Variants in TMEM178B observed in about 807,000 individuals in gnomAD.
The protein encoded by TMEM178B is transmembrane protein 178B.
A neutral mutation model predicts 31.0 loss-of-function variants in TMEM178B; 5 were observed. The ratio of observed to expected loss-of-function variants is 0.16; its 90% CI spans 0.08 to 0.34. The LOEUF is 0.34. Ranked by LOEUF, TMEM178B falls within the 10% of genes least tolerant of loss-of-function variation. TMEM178B has a pLI of 1.00. For synonymous variants in TMEM178B, 164 were observed against 164.0 expected (o/e 1.00, Z 0.00); for missense variants, 275 against 400.3 (o/e 0.69, Z 2.67).
chr7:141,086,879 G>A (rs1418693664), intron 1 of TMEM178B, among the ~76,000 whole-genome samples: 1 of 151,964 alleles, frequency 6.6e-6, no homozygotes, highest in Admixed American at 6.6e-5. Flanking sequence ...ATAGCAACAG[G>A]GATTCACCAT....
chr7:141,242,480 G>A (rs568758560), intron 2 of TMEM178B, among the ~76,000 whole-genome samples: 188 of 25,612 alleles, frequency 7.3e-3, no homozygotes, highest in East Asian at 0.062. Flanking sequence ...TTGTGTGAGT[G>A]TGTGTGTGTG....
chr7:141,238,096 A>G (rs1797559032), intron 2 of TMEM178B, among the ~76,000 whole-genome samples: 1 of 151,860 alleles, frequency 6.6e-6, no homozygotes, highest in Non-Finnish European at 1.5e-5. Flanking sequence ...TGTAAAACCC[A>G]GTCCCAAGCA....
intron 2 of TMEM178B, among the ~76,000 whole-genome samples, chr7:141,419,628 T>C (rs1181728): frequency 0.68 from 102,991 of 152,094 alleles, 35,453 homozygotes; most frequent in African/African-American, 0.79. Flanking sequence ...TTCAGTGGCT[T>C]GCCATGGCCT....
chr7:141,424,902 C>T (rs1050388679), intron 2 of TMEM178B, among the ~76,000 whole-genome samples: 12 of 152,080 alleles, frequency 7.9e-5, no homozygotes, highest in African/African-American at 2.7e-4. Context: ...GTCCAGTTCC[C>T]TTCTGGGGTT....
At chr7:141,206,536 G>A (rs541990135) in intron 1 of TMEM178B, among the ~76,000 whole-genome samples, 58 of 152,312 alleles carry the variant, frequency 3.8e-4, no homozygotes, top group African/African-American at 1.4e-3. Context: ...TTGGAGCAAT[G>A]AGAGGTTGGG....
intron 2 of TMEM178B, among the ~76,000 whole-genome samples, chr7:141,243,659 T>A (rs1187460856): frequency 6.6e-6 from 1 of 152,134 alleles, no homozygotes; most frequent in African/African-American, 2.4e-5. Flanking sequence ...CTCTTTGTGG[T>A]TCCCCTACTG....
the TMEM178B span, among the ~76,000 whole-genome samples, chr7:141,507,906 G>C: frequency 1.3e-5 from 2 of 152,216 alleles, no homozygotes; most frequent in South Asian, 4.1e-4. Context: ...GCCTATGATG[G>C]GAAGGGCTGC....
At chr7:141,185,862 A>G (rs1034295835) in intron 1 of TMEM178B, among the ~76,000 whole-genome samples, 3 of 152,064 alleles carry the variant, frequency 2.0e-5, no homozygotes, top group Non-Finnish European at 4.4e-5. Context: ...AAGATGTTGC[A>G]TTCAGGGCTT....
chr7:141,494,915 GGTA>G, the TMEM178B span, among the ~76,000 whole-genome samples: 1 of 152,108 alleles, frequency 6.6e-6, no homozygotes, highest in Non-Finnish European at 1.5e-5. Flanking sequence ...AATTGGTTAA[GGTA>G]CAGAAAAACA....
At chr7:141,138,569 T>G (rs1795714157) in intron 1 of TMEM178B, among the ~76,000 whole-genome samples, 1 of 151,604 alleles carries the variant, frequency 6.6e-6, no homozygotes, top group African/African-American at 2.4e-5. Flanking sequence ...TCATCTCATG[T>G]TTTGGGAGGT....
In TMEM178B at chr7:141,182,269, G is replaced by A. The variant is rs76668352; in HGVS notation, c.383-30322G>A. ...AGGCCTGCATAACTAAGGACATGTT[G>A]TGTGCAGCCAGGAAACTCTTTAGAC... On this transcript the variant is annotated intron_variant, in intron 1 of 3. Coordinates refer to ENST00000565468, the MANE Select transcript of TMEM178B (RefSeq NM_001195278.2). Among the ~76,000 whole-genome samples, 92 of 152,296 alleles carry A rather than the reference G, an allele frequency of 6.0e-4. No individual in the cohort carries two copies. In the East Asian group the frequency reaches 6.8e-3, roughly 11 times the overall value.
At chr7:141,276,920 T>C (rs900829910) in intron 2 of TMEM178B, among the ~76,000 whole-genome samples, 10 of 152,022 alleles carry the variant, frequency 6.6e-5, no homozygotes, top group African/African-American at 2.4e-4. Flanking sequence ...AACATAGAAA[T>C]AGTACAGTAA....
chr7:141,468,806 G>A (rs1353733467), intron 3 of TMEM178B, among the ~76,000 whole-genome samples: 1 of 152,170 alleles, frequency 6.6e-6, no homozygotes, highest in Non-Finnish European at 1.5e-5. Flanking sequence ...AGAGAAGGGT[G>A]CCCAAGTGGG....
chr7:141,170,794 C>T (rs978636597), intron 1 of TMEM178B, among the ~76,000 whole-genome samples: 1 of 152,144 alleles, frequency 6.6e-6, no homozygotes, highest in African/African-American at 2.4e-5. Flanking sequence ...TAATCCTGGA[C>T]CAGCCCCTGT....
intron 2 of TMEM178B, among the ~76,000 whole-genome samples, chr7:141,359,452 T>C (rs1372617264): frequency 1.3e-5 from 2 of 152,244 alleles, no homozygotes; most frequent in Non-Finnish European, 2.9e-5. Context: ...CAATCTCTCC[T>C]AATTGACCCA....
At chr7:141,087,730 G>A (rs1258823390) in intron 1 of TMEM178B, among the ~76,000 whole-genome samples, 1 of 152,126 alleles carries the variant, frequency 6.6e-6, no homozygotes, top group Non-Finnish European at 1.5e-5. Context: ...AAACTTTAAG[G>A]TATTGATCAT....
chr7:141,138,932 T>C (rs1795721193), intron 1 of TMEM178B, among the ~76,000 whole-genome samples: 1 of 150,744 alleles, frequency 6.6e-6, no homozygotes, highest in African/African-American at 2.4e-5. Context: ...TGCAGTGAGC[T>C]GAGATCGCGC....
At chr7:141,270,260 G>A (rs1323753646) in intron 2 of TMEM178B, among the ~76,000 whole-genome samples, 4 of 152,106 alleles carry the variant, frequency 2.6e-5, no homozygotes, top group Non-Finnish European at 5.9e-5. Flanking sequence ...ACTCAGGTGG[G>A]TACAGACAGT....
At chr7:141,448,881 T>C (rs1193661533) in intron 3 of TMEM178B, among the ~76,000 whole-genome samples, 1 of 152,108 alleles carries the variant, frequency 6.6e-6, no homozygotes, top group African/African-American at 2.4e-5. Context: ...TTGGGGTCCG[T>C]TGCTTCCATA....
Sources: allele counts gnomAD v4.1 joint callset (sites outside exome capture counted in the v4.1 genomes callset), GRCh38; gene constraint gnomAD v4.1.1; transcripts MANE v1.5; gene names NCBI Gene and HGNC (gene_info 2026-07-23, HGNC 2026-07-21).